The following UTRN variants were observed in gnomAD, a reference collection of about 807,000 sequenced individuals.
UTRN encodes utrophin.
Under a neutral mutation model 463.9 loss-of-function variants are expected in UTRN, and 283 were observed. The observed-to-expected ratio is 0.61, with a 90% CI of 0.55 to 0.67. The LOEUF (loss-of-function observed/expected upper bound fraction) is 0.67. UTRN is among the 30% of genes least tolerant of loss of function. The pLI, the probability that UTRN is intolerant of heterozygous loss-of-function variation, is 0.00. For synonymous variants in UTRN, 1,442 were observed against 1,431.5 expected (o/e 1.01, Z -0.17); for missense variants, 3,922 against 4,084.3 (o/e 0.96, Z 1.08).
At chr6:144,699,240 C>G (rs1036841429) in intron 52 of UTRN, among the ~76,000 whole-genome samples, 12 of 152,112 alleles carry the variant, frequency 7.9e-5, no homozygotes, top group African/African-American at 2.9e-4. Flanking sequence ...GAGTTTCAGA[C>G]CAGGCTGAAC....
chr6:144,653,410 C>A (rs1172916256), intron 51 of UTRN, among the ~76,000 whole-genome samples: 2 of 151,840 alleles, frequency 1.3e-5, no homozygotes, highest in Non-Finnish European at 2.9e-5. Flanking sequence ...ATGGTGAAAT[C>A]CCATCTCTAC....
At chr6:144,356,584 G>A (rs1298093864) in intron 2 of UTRN, among the ~76,000 whole-genome samples, 1 of 152,198 alleles carries the variant, frequency 6.6e-6, no homozygotes, top group African/African-American at 2.4e-5. Flanking sequence ...ACGTTTAGGT[G>A]GGTGGATCAC....
rs577109547 is a variant in UTRN at position 144,396,958 on chromosome 6, TC to T, written c.80-6163del. ...TGGTTCTCAGCTGGAACAAATATGT[TC>T]CTCTGGCCAGGCACAGTGGCTCATG... On this transcript the variant is annotated intron_variant, in intron 2 of 74. Transcript: ENST00000367545. 1.8e-3 allele frequency among the ~76,000 whole-genome samples: 274 copies of T among 152,148 alleles called. 1 individual carries two copies. The highest frequency in any genetic ancestry group is 2.7e-3 in the Non-Finnish European group (182 of 67,978).
rs761062441 is a variant in UTRN, at chr6:144,462,635, C to T, written c.2854-19C>T. The T allele has an allele frequency of 6.5e-5, 103 of 1,581,616 alleles. No individual in the cohort carries two copies. Among genetic ancestry groups the T allele is most frequent in the Non-Finnish European group, 7.4e-5 (87 of 1,167,838 alleles). ...ACACATTTTTGTGCATATTTTTAAT[C>T]TTTTAAAACTTTTTCCAGACCCTTG... On this transcript the variant is annotated intron_variant, in intron 22 of 74. Coordinates refer to ENST00000367545, the MANE Select transcript of UTRN (RefSeq NM_007124.3).
chr6:144,754,711 T>C lies in UTRN; in HGVS notation c.8356-9T>C, dbSNP rs749251894. 9 of 1,612,078 alleles carry C rather than the reference T, an allele frequency of 5.6e-6. No individual in the cohort carries two copies. The highest frequency in any genetic ancestry group is 1.7e-5 in the Admixed American group (1 of 59,618). On this transcript the variant is annotated splice_polypyrimidine_tract_variant and intron_variant, in intron 56 of 74. Transcript: ENST00000367545. ...TTATTTCCTCTGACTTGCATGTGTA[T>C]GTGTGCAGGTTTCTGTGGATGATCG...
chr6:144,724,189 G>A (rs4896738), intron 53 of UTRN, among the ~76,000 whole-genome samples: 66,117 of 144,204 alleles, frequency 0.46, 20,092 homozygotes, highest in East Asian at 0.87. Flanking sequence ...TTTTCACAGA[G>A]TTGTGCACCA....
rs775580293 is a variant in UTRN, at chr6:144,438,908, C to T, written c.1392+13C>T. ...AGAAGAACATAAAGTAAATCTGTCT[C>T]ATATTTCTTCGATACCTTATCAAAT... On this transcript the variant is annotated intron_variant, in intron 12 of 74. Transcript: ENST00000367545. The T allele has an allele frequency of 6.2e-7, 1 of 1,613,420 alleles. No individual in the cohort carries two copies. Among genetic ancestry groups the T allele is most frequent in the Non-Finnish European group, 8.5e-7 (1 of 1,179,582 alleles).
intron 57 of UTRN, 111 bp from the exon 58 acceptor site, chr6:144,757,818 A>G: frequency 6.5e-6 from 6 of 925,736 alleles, no homozygotes; most frequent in Non-Finnish European, 9.6e-6. Context: ...AATCCAGCTC[A>G]GAAACCAGAG....
intron 34 of UTRN, 113 bp downstream of exon 34, chr6:144,499,540 CT>C: frequency 1.2e-6 from 1 of 810,442 alleles, no homozygotes; most frequent in Non-Finnish European, 1.7e-6. Context: ...CTAGCCTTTT[CT>C]TTTTTGCATT....
chr6:144,313,564 C>T (rs1038067279), intron 2 of UTRN, among the ~76,000 whole-genome samples: 3 of 152,216 alleles, frequency 2.0e-5, no homozygotes, highest in African/African-American at 7.2e-5. Context: ...CCATTTGGCA[C>T]TGGGAAGGGC....
intron 52 of UTRN, among the ~76,000 whole-genome samples, chr6:144,689,312 C>T (rs1329708317): frequency 6.6e-6 from 1 of 152,182 alleles, no homozygotes. Context: ...TCCTCCAAGA[C>T]CCTTCAGGAG....
At chr6:144,292,792 A>C (rs1221436779) in intron 2 of UTRN, among the ~76,000 whole-genome samples, 2 of 152,208 alleles carry the variant, frequency 1.3e-5, no homozygotes, top group Admixed American at 6.5e-5. Context: ...TTTAAAGACA[A>C]AAAAGGAACC....
intron 23 of UTRN, among the ~76,000 whole-genome samples, chr6:144,469,005 C>T (rs1293885841): frequency 1.3e-5 from 2 of 152,142 alleles, no homozygotes; most frequent in African/African-American, 4.8e-5. Flanking sequence ...CGGTGTGCCA[C>T]GAGGTGGAAA....
At position 144,487,695 on chromosome 6, in the gene UTRN, C is replaced by A; in HGVS notation, c.3970C>A (p.Leu1324Met). The A allele has an allele frequency of 6.2e-7, 1 of 1,610,702 alleles. No individual in the cohort carries two copies. The highest frequency in any genetic ancestry group is 8.5e-7 in the Non-Finnish European group (1 of 1,178,220). ...FNSRYEDLSH[L>M]AESKQISLEK... ...CAGCCGATATGAAGATCTAAGTCAC[C>A]TGGTAAGAGTTGGGACATACATGGG... Residue 1324 changes from leucine (L) to methionine (M), a missense_variant and splice_region_variant, in exon 29 of 75, where the codon CTG becomes ATG. Physicochemically the swap from Leu to Met is conservative, Grantham distance 15 (BLOSUM62 2). Around this residue, in one of 3 missense-constraint regions of UTRN, gnomAD observed 2,349 missense variants for 2,303.8 expected, o/e 1.02. Coordinates refer to ENST00000367545, the MANE Select transcript of UTRN (RefSeq NM_007124.3).
intron 50 of UTRN, among the ~76,000 whole-genome samples, chr6:144,565,318 T>A (rs1050052514): frequency 6.6e-6 from 1 of 152,108 alleles, no homozygotes; most frequent in Non-Finnish European, 1.5e-5. Flanking sequence ...GATATCTAAG[T>A]ATATAGGTTA....
At chr6:144,581,605 G>C (rs1801971282) in intron 51 of UTRN, among the ~76,000 whole-genome samples, 2 of 152,174 alleles carry the variant, frequency 1.3e-5, no homozygotes, top group African/African-American at 2.4e-5. Context: ...CTGTGTTTGA[G>C]GGGTGAATGC....
intron 51 of UTRN, among the ~76,000 whole-genome samples, chr6:144,614,961 A>G (rs1438962193): frequency 6.6e-6 from 1 of 152,182 alleles, no homozygotes; most frequent in East Asian, 1.9e-4. Flanking sequence ...CAAAGGCACA[A>G]ATTAGAGCAT....
At chr6:144,695,166 T>G (rs1029814339) in intron 52 of UTRN, among the ~76,000 whole-genome samples, 1 of 152,158 alleles carries the variant, frequency 6.6e-6, no homozygotes, top group African/African-American at 2.4e-5. Flanking sequence ...AAAGAAAATG[T>G]CTGCTAAGAT....
intron 60 of UTRN, 74 bp from the exon 61 acceptor site, chr6:144,781,848 C>T (rs917241838): frequency 1.8e-6 from 2 of 1,109,840 alleles, no homozygotes; most frequent in Non-Finnish European, 1.3e-6. Flanking sequence ...ACTAGAAATG[C>T]CTTTGTTGTG....
Sources: gnomAD v4.1 joint callset for allele counts (sites outside exome capture counted in the v4.1 genomes callset) on GRCh38, gnomAD v4.1.1 for gene constraint, gnomAD v4.1.1 regional missense constraint, MANE v1.5 for transcripts, NCBI Gene and HGNC (gene_info 2026-07-23, HGNC 2026-07-21) for gene names.